Variants in FBN1 observed in about 807,000 individuals in gnomAD.
The protein encoded by FBN1 is fibrillin-1.
In FBN1, 29 loss-of-function variants were observed where a neutral mutation model predicts 365.1. The ratio of observed to expected loss-of-function variants is 0.08; its 90% CI spans 0.06 to 0.11. The LOEUF (loss-of-function observed/expected upper bound fraction) is 0.11. Ranked by LOEUF, FBN1 falls within the 10% of genes least tolerant of loss-of-function variation. The probability of loss-of-function intolerance (pLI) is 1.00; values close to 1 mark genes in which losing one functional copy is unlikely to be tolerated. For missense variants in FBN1, 2,476 were observed against 3,703.2 expected (o/e 0.67, Z 8.60); for synonymous variants, 1,210 against 1,270.5 (o/e 0.95, Z 1.01).
intron 51 of FBN1, 38 bp downstream of exon 51, chr15:48,437,730 C>G: frequency 1.9e-6 from 3 of 1,611,930 alleles, no homozygotes; most frequent in Non-Finnish European, 2.5e-6. Context: ...AGTCTGCACC[C>G]TGCATGGCCC....
chr15:48,599,465 G>A (rs977928996), intron 5 of FBN1, among the ~76,000 whole-genome samples: 5 of 151,626 alleles, frequency 3.3e-5, no homozygotes, highest in South Asian at 2.1e-4. Flanking sequence ...ATGAAATCAC[G>A]AATAATTTTA....
chr15:48,421,822 G>A, intron 61 of FBN1, 130 bp downstream of exon 61: 2 of 1,174,516 alleles, frequency 1.7e-6, no homozygotes, highest in Non-Finnish European at 1.3e-6. Context: ...GTACAGGTGT[G>A]CTCACACATA....
chr15:48,502,541 C>T (rs1386422186), intron 17 of FBN1, among the ~76,000 whole-genome samples: 1 of 152,160 alleles, frequency 6.6e-6, no homozygotes, highest in African/African-American at 2.4e-5. Flanking sequence ...CCAACCAGAG[C>T]TACATATTTT....
rs149418466 is a variant in FBN1, at chr15:48,411,570, T to C, written c.8227-191A>G. On this transcript the variant is annotated intron_variant, in intron 65 of 65. Coordinates refer to ENST00000316623, the MANE Select transcript of FBN1 (RefSeq NM_000138.5). ...ACATATTTGTAATATTTGAAAATAT[T>C]AACTGATGTCAGGAAGAAAGGCAGG... Among the ~76,000 whole-genome samples, 433 of 152,378 alleles carry C rather than the reference T, an allele frequency of 2.8e-3. 2 individuals carry two copies. The highest frequency in any genetic ancestry group is 1.0e-2 in the African/African-American group (415 of 41,590).
chr15:48,553,758 A>G (rs2044160003), intron 6 of FBN1, among the ~76,000 whole-genome samples: 1 of 152,150 alleles, frequency 6.6e-6, no homozygotes, highest in Non-Finnish European at 1.5e-5. Flanking sequence ...GATTTGAGAG[A>G]AATGTTGAGC....
At chr15:48,426,015 T>C in intron 58 of FBN1, 151 bp from the exon 59 acceptor site, 1 of 648,556 alleles carries the variant, frequency 1.5e-6, no homozygotes, top group Non-Finnish European at 2.8e-6. Context: ...ATAAATTTAA[T>C]ATGTAACAGT....
intron 29 of FBN1, among the ~76,000 whole-genome samples, 171 bp downstream of exon 29, chr15:48,486,904 A>C (rs1447043032): frequency 3.9e-5 from 6 of 152,220 alleles, no homozygotes; most frequent in Non-Finnish European, 5.9e-5. Context: ...TATAAAAAGA[A>C]TATTGCAGGG....
intron 2 of FBN1, among the ~76,000 whole-genome samples, chr15:48,635,424 T>C (rs1385437543): frequency 6.6e-6 from 1 of 152,224 alleles, no homozygotes; most frequent in East Asian, 1.9e-4. Context: ...ATTCTATTGA[T>C]AATGTGGCTA....
intron 14 of FBN1, 41 bp downstream of exon 14, chr15:48,510,003 G>C (rs749782872): frequency 6.2e-7 from 1 of 1,607,738 alleles, no homozygotes; most frequent in Non-Finnish European, 8.5e-7. Flanking sequence ...TATTGAAACT[G>C]CAATGGAAGG....
At chr15:48,494,969 C>G (rs1431299320) in intron 22 of FBN1, among the ~76,000 whole-genome samples, 154 bp downstream of exon 22, 1 of 152,206 alleles carries the variant, frequency 6.6e-6, no homozygotes, top group African/African-American at 2.4e-5. Context: ...AAATTTGACA[C>G]TTCTTATTTC....
intron 6 of FBN1, among the ~76,000 whole-genome samples, chr15:48,591,988 G>A (rs2044480774): frequency 6.6e-6 from 1 of 152,100 alleles, no homozygotes; most frequent in Non-Finnish European, 1.5e-5. Flanking sequence ...CATAAGATGG[G>A]ACTTATTACA....
At chr15:48,448,050 T>C (rs1276162717) in intron 46 of FBN1, among the ~76,000 whole-genome samples, 2 of 152,160 alleles carry the variant, frequency 1.3e-5, no homozygotes, top group Non-Finnish European at 2.9e-5. Context: ...GCTCTTGTCA[T>C]TACTCTGGAG....
chr15:48,552,186 T>C (rs757458165), intron 6 of FBN1, among the ~76,000 whole-genome samples: 5 of 152,188 alleles, frequency 3.3e-5, no homozygotes, highest in Non-Finnish European at 5.9e-5. Flanking sequence ...GACTTTTTAA[T>C]AGCAGCTTTA....
At chr15:48,503,305 A>G (rs1363227311) in intron 17 of FBN1, among the ~76,000 whole-genome samples, 1 of 150,004 alleles carries the variant, frequency 6.7e-6, no homozygotes, top group African/African-American at 2.5e-5. Context: ...TCAAAAAAAA[A>G]AAAAAAAAAG....
At chr15:48,552,169 A>AT (rs1477413253) in intron 6 of FBN1, among the ~76,000 whole-genome samples, 1 of 151,810 alleles carries the variant, frequency 6.6e-6, no homozygotes, top group Admixed American at 6.6e-5. Context: ...AGCATCTGTT[A>AT]TTTTTTGACT....
intron 6 of FBN1, among the ~76,000 whole-genome samples, chr15:48,596,011 TG>T (rs889848884): frequency 5.3e-5 from 8 of 152,240 alleles, no homozygotes; most frequent in African/African-American, 1.9e-4. Context: ...TGATGCCAAC[TG>T]GTAATTATGT....
At chr15:48,471,250 G>A (rs1349477474) in intron 35 of FBN1, among the ~76,000 whole-genome samples, 6 of 152,070 alleles carry the variant, frequency 3.9e-5, no homozygotes, top group African/African-American at 1.2e-4. Flanking sequence ...AACCGCACAC[G>A]CTTCTTCCAG....
intron 43 of FBN1, among the ~76,000 whole-genome samples, chr15:48,458,496 C>T (rs905676486): frequency 6.6e-6 from 1 of 152,186 alleles, no homozygotes; most frequent in Non-Finnish European, 1.5e-5. Context: ...AGTTACATCA[C>T]AACTGTGTAT....
At chr15:48,533,762 C>A (rs977429763) in intron 8 of FBN1, among the ~76,000 whole-genome samples, 2 of 152,066 alleles carry the variant, frequency 1.3e-5, no homozygotes, top group African/African-American at 4.8e-5. Context: ...AAATTCATGT[C>A]TCTAGAACTA....
Sources: allele counts gnomAD v4.1 joint callset (sites outside exome capture counted in the v4.1 genomes callset), GRCh38; gene constraint gnomAD v4.1.1; transcripts MANE v1.5; gene names NCBI Gene and HGNC (gene_info 2026-07-23, HGNC 2026-07-21).